Variants in LOC400499 observed in about 807,000 individuals in gnomAD.
the LOC400499 span, chr16:11,402,186 G>T: frequency 3.0e-5 from 12 of 399,120 alleles, no homozygotes; most frequent in African/African-American, 2.3e-4. Context: ...CACACAAAGG[G>T]TAGGGCACGT....
chr16:11,525,065 C>T, the LOC400499 span, among the ~76,000 whole-genome samples: 2 of 152,104 alleles, frequency 1.3e-5, no homozygotes, highest in African/African-American at 4.8e-5. Flanking sequence ...TGGGTGATGG[C>T]TTGAGCTCAG....
At chr16:11,501,440 C>T in the LOC400499 span, among the ~76,000 whole-genome samples, 15 of 152,144 alleles carry the variant, frequency 9.9e-5, no homozygotes, top group African/African-American at 3.6e-4. Context: ...TCACTGTAGC[C>T]GCCACCTCCT....
At chr16:11,447,828 G>A in the LOC400499 span, 1 of 1,395,434 alleles carries the variant, frequency 7.2e-7, no homozygotes, top group Non-Finnish European at 9.4e-7. Flanking sequence ...CAGGTCAGCA[G>A]AGATTCTCCA....
the LOC400499 span, chr16:11,384,107 A>ACGAAGTCCTCTGC: frequency 2.2e-5 from 27 of 1,225,956 alleles, no homozygotes; most frequent in Admixed American, 4.2e-5. Flanking sequence ...CCCTGGGCCT[A>ACGAAGTCCTCTGC]CGAAGTCCTC....
chr16:11,476,617 G>C, the LOC400499 span: 4 of 397,090 alleles, frequency 1.0e-5, no homozygotes, highest in South Asian at 1.4e-4. Flanking sequence ...GCATGCTAAT[G>C]TCACATCCAC....
chr16:11,460,109 T>C, the LOC400499 span: 21 of 1,296,408 alleles, frequency 1.6e-5, no homozygotes, highest in Non-Finnish European at 2.1e-5. Context: ...ACCCAGTCCC[T>C]GGGCCTCCTC....
chr16:11,430,806 T>C, the LOC400499 span, among the ~76,000 whole-genome samples: 3 of 152,228 alleles, frequency 2.0e-5, no homozygotes, highest in South Asian at 2.1e-4. Context: ...CTCTGACAAG[T>C]CCTGCATAAG....
At chr16:11,379,872 A>C in the LOC400499 span, among the ~76,000 whole-genome samples, 1 of 152,228 alleles carries the variant, frequency 6.6e-6, no homozygotes, top group Non-Finnish European at 1.5e-5. Context: ...AAGTTAGAGC[A>C]ATCCATTTTA....
chr16:11,463,691 G>A, the LOC400499 span, among the ~76,000 whole-genome samples: 2 of 152,136 alleles, frequency 1.3e-5, no homozygotes, highest in African/African-American at 4.8e-5. Context: ...ACGGACATGT[G>A]AACAGATATG....
chr16:11,393,044 T>C, the LOC400499 span, among the ~76,000 whole-genome samples: 15 of 151,980 alleles, frequency 9.9e-5, no homozygotes, highest in East Asian at 3.9e-4. Context: ...TTAGTAGAGA[T>C]GGGGTTTCAC....
the LOC400499 span, among the ~76,000 whole-genome samples, chr16:11,519,868 C>T: frequency 1.3e-5 from 2 of 151,824 alleles, 1 homozygote; most frequent in South Asian, 4.2e-4. Context: ...ACCACGCCCA[C>T]CTAATTTTGT....
the LOC400499 span, among the ~76,000 whole-genome samples, chr16:11,434,017 G>C: frequency 6.6e-5 from 10 of 152,328 alleles, no homozygotes; most frequent in Middle Eastern, 3.4e-3. Context: ...GTTACAGCCA[G>C]TTGGTCAGGA....
the LOC400499 span, chr16:11,392,444 G>A: frequency 3.3e-5 from 13 of 398,988 alleles, no homozygotes; most frequent in Admixed American, 1.8e-4. Flanking sequence ...CAGGACCTCC[G>A]CCTCGGCTGT....
chr16:11,491,298 G>A, the LOC400499 span, among the ~76,000 whole-genome samples: 1 of 152,032 alleles, frequency 6.6e-6, no homozygotes, highest in Non-Finnish European at 1.5e-5. Flanking sequence ...CTGTATAAAG[G>A]GAATTGTCTC....
At chr16:11,487,282 G>A in the LOC400499 span, 11 of 398,758 alleles carry the variant, frequency 2.8e-5, no homozygotes, top group African/African-American at 1.0e-4. Context: ...TTGAAGGCAC[G>A]GCCCATGGTG....
the LOC400499 span, chr16:11,462,053 C>A: frequency 7.3e-7 from 1 of 1,364,986 alleles, no homozygotes; most frequent in Non-Finnish European, 9.5e-7. Context: ...TAAGGAGGCA[C>A]TTGGGCCACC....
the LOC400499 span, among the ~76,000 whole-genome samples, chr16:11,467,742 C>T: frequency 6.6e-6 from 1 of 152,148 alleles, no homozygotes; most frequent in Non-Finnish European, 1.5e-5. Context: ...CAAAATAAAA[C>T]CCAGAAACCC....
the LOC400499 span, chr16:11,450,948 A>G: frequency 8.6e-6 from 7 of 816,464 alleles, no homozygotes; most frequent in Non-Finnish European, 1.3e-5. Flanking sequence ...ATAACTAGGC[A>G]TGAGGGAACT....
chr16:11,497,296 CAG>C, the LOC400499 span, among the ~76,000 whole-genome samples: 93 of 152,298 alleles, frequency 6.1e-4, no homozygotes, highest in African/African-American at 2.1e-3. Context: ...TGTGAAAGGA[CAG>C]GGGTGTGTGG....
Sources: allele counts gnomAD v4.1 joint callset (sites outside exome capture counted in the v4.1 genomes callset), GRCh38; gene constraint gnomAD v4.1.1; transcripts MANE v1.5.